The following F12 variants were observed in gnomAD, a reference collection of about 807,000 sequenced individuals.
The protein encoded by F12 is Hageman factor.
Under a neutral mutation model 74.8 loss-of-function variants are expected in F12, and 70 were observed. The observed-to-expected ratio is 0.94, with a 90% CI of 0.77 to 1.14. The LOEUF (loss-of-function observed/expected upper bound fraction) is 1.14. Ranked by LOEUF, F12 falls within the 50% of genes most tolerant of loss-of-function variation. The pLI is 0.00. For synonymous variants in F12, 373 were observed against 356.4 expected, an observed-to-expected ratio of 1.05 and a Z score of -0.52; for missense variants, 811 against 835.7, an observed-to-expected ratio of 0.97 and a Z score of 0.36.
chr5:177,407,678 C>T (rs978638963), intron 2 of F12, among the ~76,000 whole-genome samples: 5 of 151,622 alleles, frequency 3.3e-5, no homozygotes, highest in South Asian at 2.1e-4. Flanking sequence ...CCCAGCAACT[C>T]GGGAGGCTGA....
intron 12 of F12, 73 bp downstream of exon 12, chr5:177,403,181 C>T (rs1763182788): frequency 6.3e-7 from 1 of 1,584,522 alleles, no homozygotes; most frequent in Non-Finnish European, 8.6e-7. Flanking sequence ...ATACCAAAGT[C>T]GCGGGCTTCT....
In F12 at chr5:177,409,114, G is replaced by A. The variant is rs1581661334; in HGVS notation, c.58-11C>T. 2 of 1,551,604 alleles carry A rather than the reference G, an allele frequency of 1.3e-6. No homozygotes were observed. The highest frequency in any genetic ancestry group is 1.2e-5 in the South Asian group (1 of 84,062). ...TTCCCAAGGTGGAATCTACAAGGGA[G>A]AGAAGAAGGCAGGGAACTGACTATA... On this transcript the variant is annotated splice_polypyrimidine_tract_variant and intron_variant, in intron 1 of 13. Coordinates refer to ENST00000253496, the MANE Select transcript of F12 (RefSeq NM_000505.4).
intron 2 of F12, among the ~76,000 whole-genome samples, chr5:177,407,255 T>C (rs1408654047): frequency 1.3e-5 from 2 of 152,228 alleles, no homozygotes; most frequent in Non-Finnish European, 1.5e-5. Context: ...AGTTCAATGT[T>C]CACTGTGATT....
intron 2 of F12, among the ~76,000 whole-genome samples, chr5:177,407,282 T>C (rs1358316679): frequency 6.6e-6 from 1 of 152,202 alleles, no homozygotes; most frequent in Admixed American, 6.5e-5. Flanking sequence ...AACATAACCA[T>C]CGCGAATAAT....
At position 177,404,004 on chromosome 5, in the gene F12, AAGAC is replaced by A; in HGVS notation, c.1101_1104del (p.Ser368ArgfsTer2). ...AGCCCGCCAACGACGCGGGTCATCG[AAGAC>A]AGACTCTTGCGGAGCCGCTGCCCGC... On this transcript the variant is annotated frameshift_variant, in exon 10 of 14. Transcript: ENST00000253496. LOFTEE classifies it high-confidence loss of function. The A allele has an allele frequency of 6.2e-7, 1 of 1,602,810 alleles. No homozygotes were observed. Among genetic ancestry groups the A allele is most frequent in the Non-Finnish European group, 8.5e-7 (1 of 1,179,696 alleles).
Position 177,409,559 on chromosome 5 carries a change from A to C in F12, c.-32T>G. On this transcript the variant is annotated 5_prime_UTR_variant, in exon 1 of 14. Coordinates refer to ENST00000253496, the MANE Select transcript of F12 (RefSeq NM_000505.4). ...CGTCCGTTGGTCCAGCTGCCTATCC[A>C]GGAGTCCAGATCAATAGGACTGGCC... The C allele has an allele frequency of 6.2e-7, 1 of 1,611,172 alleles. No individual in the cohort carries two copies. Among genetic ancestry groups the C allele is most frequent in the Non-Finnish European group, 8.5e-7 (1 of 1,177,572 alleles).
At chr5:177,406,144 G>C in intron 2 of F12, 83 bp from the exon 3 acceptor site, 1 of 1,281,764 alleles carries the variant, frequency 7.8e-7, no homozygotes, top group Non-Finnish European at 1.1e-6. Flanking sequence ...TCAGGAAAAG[G>C]ACAGACCCTC....
intron 10 of F12, 85 bp from the exon 11 acceptor site, chr5:177,403,702 C>T: frequency 6.5e-7 from 1 of 1,548,958 alleles, no homozygotes; most frequent in East Asian, 2.3e-5. Context: ...AACCCCAATC[C>T]CGTGTTCCAG....
Position 177,405,066 on chromosome 5 carries a change from G to A in F12, c.517C>T (p.Leu173=). The A allele has an allele frequency of 1.9e-6, 3 of 1,612,858 alleles. No homozygotes were observed. The highest frequency in any genetic ancestry group is 2.5e-6 in the Non-Finnish European group (3 of 1,179,998). The stretch of plus-strand genomic sequence containing the variant: ...ACCATCTGCTCACCCTGGCTGGCCA[G>A]CCGCTGGCAGTGGGCATCAGGACCC... ...CKGPDAHCQR[L]ASQACRTNPC... Residue 173 remains leucine, a synonymous_variant, in exon 6 of 14, where the codon CTG becomes TTG. Coordinates refer to ENST00000253496, the MANE Select transcript of F12 (RefSeq NM_000505.4).
At chr5:177,409,337 G>T (rs374968953) in intron 1 of F12, 134 bp downstream of exon 1, 2 of 1,128,054 alleles carry the variant, frequency 1.8e-6, no homozygotes, top group East Asian at 2.6e-5. Context: ...GGGCCTTCCG[G>T]GCTGGCCTCA....
intron 13 of F12, 39 bp downstream of exon 13, chr5:177,402,511 C>T (rs1010403616): frequency 8.7e-6 from 14 of 1,601,118 alleles, no homozygotes; most frequent in East Asian, 6.8e-5. Context: ...TTGTGCCTGA[C>T]GGCCTCGGGG....
At chr5:177,403,445 G>C in intron 11 of F12, 36 bp downstream of exon 11, 1 of 1,563,566 alleles carries the variant, frequency 6.4e-7, no homozygotes, top group Non-Finnish European at 8.6e-7. Context: ...GGGGCCCCAA[G>C]CTCTCTTCCC....
chr5:177,405,931 C>G (rs368701244), intron 3 of F12, 31 bp downstream of exon 3: 6 of 1,602,130 alleles, frequency 3.7e-6, no homozygotes, highest in Non-Finnish European at 5.1e-6. Context: ...GTCTCCCAGG[C>G]CCCTGCTCCA....
chr5:177,409,430 C>A (rs776718171), intron 1 of F12, 41 bp downstream of exon 1: 1 of 1,610,240 alleles, frequency 6.2e-7, no homozygotes, highest in African/African-American at 1.3e-5. Context: ...AGCGACCCCC[C>A]AGAACAATCC....
rs376358124 is a variant in F12, at chr5:177,405,811, G to A, written c.216-6C>T. The A allele has an allele frequency of 6.2e-7, 1 of 1,614,002 alleles. No individual in the cohort carries two copies. The highest frequency in any genetic ancestry group is 1.7e-5 in the Admixed American group (1 of 60,000). On this transcript the variant is annotated splice_region_variant and splice_polypyrimidine_tract_variant and intron_variant, in intron 3 of 13. Coordinates refer to ENST00000253496, the MANE Select transcript of F12 (RefSeq NM_000505.4). The stretch of plus-strand genomic sequence containing the variant: ...AGTTGGGGGTGGTAGCACACCTGTA[G>A]AAAGAGACAAGGCTTCCCTGCTCTA...
chr5:177,402,661 C>T lies in F12; in HGVS notation c.1569G>A (p.Gln523=). Residue 523 remains glutamine, a synonymous_variant, in exon 13 of 14, where the codon CAG becomes CAA. Transcript: ENST00000253496. ...EEYASFLQEA[Q]VPFLSLERCS... The stretch of plus-strand genomic sequence containing the variant: ...AGCGCTCCAGGGAGAGGAACGGTAC[C>T]TGCGCCTCCTGCAGGAAGCTGGCAT... 5.0e-6 allele frequency: 8 copies of T among 1,612,594 alleles called. No individual in the cohort carries two copies. Among genetic ancestry groups the T allele is most frequent in the Non-Finnish European group, 5.9e-6 (7 of 1,180,010 alleles).
intron 4 of F12, 108 bp downstream of exon 4, chr5:177,405,627 A>T: frequency 7.9e-7 from 1 of 1,272,566 alleles, no homozygotes; most frequent in Non-Finnish European, 1.1e-6. Flanking sequence ...GTGGAGGGAG[A>T]GAAGGGGCTG....
intron 5 of F12, 49 bp downstream of exon 5, chr5:177,405,274 G>GT: frequency 1.2e-6 from 2 of 1,613,492 alleles, no homozygotes; most frequent in Middle Eastern, 1.6e-4. Context: ...TAGGCCCAGG[G>GT]TTGCCCCTGT....
chr5:177,406,921 G>A lies in F12; in HGVS notation c.116-860C>T, dbSNP rs564915322. On this transcript the variant is annotated intron_variant, in intron 2 of 13. Transcript: ENST00000253496. ...TTGTTTCAGCTCTCCTATTGAATGA[G>A]TGTCCTTCTCAGTCTACTTAGTGCA... Among the ~76,000 whole-genome samples, 28 of 152,346 alleles carry A rather than the reference G, an allele frequency of 1.8e-4. 1 individual carries two copies. Among genetic ancestry groups the A allele is most frequent in the African/African-American group, 6.3e-4 (26 of 41,582 alleles).
Sources: gnomAD v4.1 joint callset for allele counts (sites outside exome capture counted in the v4.1 genomes callset) on GRCh38, gnomAD v4.1.1 for gene constraint, MANE v1.5 for transcripts, NCBI Gene and HGNC (gene_info 2026-07-23, HGNC 2026-07-21) for gene names.